TBCK: variants seen among roughly 807,000 people sequenced by gnomAD.
The protein encoded by TBCK is TBC1 domain containing kinase, also known as TBC domain-containing protein kinase-like protein.
Under a neutral mutation model 113.4 loss-of-function variants are expected in TBCK, and 99 were observed. The ratio of observed to expected loss-of-function variants is 0.87; its 90% CI spans 0.74 to 1.03. The LOEUF (loss-of-function observed/expected upper bound fraction) is 1.03, where lower values mean the gene tolerates loss of function less well. Among genes scored for constraint, TBCK ranks in the 50% least tolerant of loss-of-function variants. The probability of loss-of-function intolerance (pLI) is 0.00; values close to 1 mark genes in which losing one functional copy is unlikely to be tolerated. For synonymous variants in TBCK, 369 were observed against 370.8 expected, an observed-to-expected ratio of 1.00 and a Z score of 0.05; for missense variants, 1,045 against 1,061.3, an observed-to-expected ratio of 0.98 and a Z score of 0.21.
At position 106,246,484 on chromosome 4, in the gene TBCK, CAAT is replaced by C. The variant is rs543049284; in HGVS notation, c.931+652_931+654del. On this transcript the variant is annotated intron_variant, in intron 10 of 25. Transcript: ENST00000394708. ...GAATATAATGATATATAATTCTTAT[CAAT>C]AATATTATTTTTAGAGATCATTTAT... 2.6e-3 allele frequency among the ~76,000 whole-genome samples: 389 copies of C among 152,024 alleles called. 2 individuals are homozygous for C. The highest frequency in any genetic ancestry group is 8.1e-3 in the South Asian group (39 of 4,816).
At chr4:106,152,547 T>G (rs146513079) in intron 23 of TBCK, among the ~76,000 whole-genome samples, 8 of 152,186 alleles carry the variant, frequency 5.3e-5, no homozygotes, top group Non-Finnish European at 8.8e-5. Context: ...ACAGTTTTCT[T>G]TTTTTGATTT....
At chr4:106,111,661 T>C (rs1209194450) in intron 24 of TBCK, among the ~76,000 whole-genome samples, 1 of 152,170 alleles carries the variant, frequency 6.6e-6, no homozygotes, top group Non-Finnish European at 1.5e-5. Context: ...CTAGTACTTT[T>C]CAAGTCACAT....
intron 2 of TBCK, among the ~76,000 whole-genome samples, chr4:106,295,495 A>T (rs904873286): frequency 2.6e-5 from 4 of 152,230 alleles, no homozygotes; most frequent in African/African-American, 9.6e-5. Context: ...AAAAGATTAG[A>T]TGAATATATA....
At chr4:106,073,293 C>T (rs376329434) in intron 25 of TBCK, among the ~76,000 whole-genome samples, 2 of 152,180 alleles carry the variant, frequency 1.3e-5, no homozygotes, top group Admixed American at 1.3e-4. Flanking sequence ...GGTGTGGATG[C>T]CCTTTTTGTT....
chr4:106,280,570 A>G (rs1182075400), intron 3 of TBCK, among the ~76,000 whole-genome samples: 1 of 152,048 alleles, frequency 6.6e-6, no homozygotes, highest in Non-Finnish European at 1.5e-5. Context: ...TTGAGGTCAG[A>G]TTTAAGTCTT....
At chr4:106,219,785 T>C (rs1560848171) in intron 19 of TBCK, among the ~76,000 whole-genome samples, 1 of 152,160 alleles carries the variant, frequency 6.6e-6, no homozygotes, top group Non-Finnish European at 1.5e-5. Flanking sequence ...GCAATCCTCC[T>C]GTATTGGCCA....
intron 19 of TBCK, among the ~76,000 whole-genome samples, chr4:106,217,293 T>A (rs1340642374): frequency 6.6e-6 from 1 of 152,110 alleles, no homozygotes; most frequent in Non-Finnish European, 1.5e-5. Context: ...AAGCATTCCC[T>A]TTGAAAACTG....
At chr4:106,170,834 T>C (rs1054355671) in intron 23 of TBCK, among the ~76,000 whole-genome samples, 1 of 152,076 alleles carries the variant, frequency 6.6e-6, no homozygotes, top group Non-Finnish European at 1.5e-5. Context: ...CCAATTGATA[T>C]ATAAACAGAT....
chr4:106,076,866 G>C (rs1008298561), intron 25 of TBCK, among the ~76,000 whole-genome samples: 1 of 152,146 alleles, frequency 6.6e-6, no homozygotes, highest in Non-Finnish European at 1.5e-5. Context: ...ATTTTGGGAG[G>C]CTGAGGTGGG....
chr4:106,066,305 C>T (rs1053028613), intron 25 of TBCK, among the ~76,000 whole-genome samples: 7 of 151,870 alleles, frequency 4.6e-5, no homozygotes, highest in African/African-American at 1.5e-4. Context: ...CTGCAGCACA[C>T]TGATTTTCAC....
At chr4:106,059,263 A>G (rs1326011498) in intron 25 of TBCK, among the ~76,000 whole-genome samples, 2 of 151,658 alleles carry the variant, frequency 1.3e-5, no homozygotes, top group Admixed American at 1.3e-4. Context: ...TATATACAGG[A>G]ACACCTCATT....
rs770794972 is a variant in TBCK at position 106,260,464 on chromosome 4, T to C, written c.428A>G (p.His143Arg). ...TATTGGGAAATCAACATCATCACCA[T>C]GAGCTGTCATGTGATAAAGTCCAAA... ...AKFGLYHMTA[H>R]GDDVDFPIGY... The change falls in exon 5 of 26, where the codon CAT becomes CGT. Residue 143 changes from histidine to arginine, a missense_variant. His to Arg is a conservative substitution (Grantham distance 29, BLOSUM62 0). Transcript: ENST00000394708. 35 of 1,400,656 alleles carry C rather than the reference T, an allele frequency of 2.5e-5. No homozygotes were observed. The highest frequency in any genetic ancestry group is 4.9e-5 in the Admixed American group (2 of 40,982). 86.8% of individuals were successfully genotyped at this position (1,400,656 alleles called of 1,614,324 possible).
intron 24 of TBCK, among the ~76,000 whole-genome samples, chr4:106,098,400 G>A (rs1741175587): frequency 6.6e-6 from 1 of 151,934 alleles, no homozygotes; most frequent in East Asian, 1.9e-4. Context: ...AAGTACTTAT[G>A]GGGTGATTAG....
At chr4:106,217,738 A>T (rs1191887740) in intron 19 of TBCK, among the ~76,000 whole-genome samples, 1 of 150,972 alleles carries the variant, frequency 6.6e-6, no homozygotes, top group Non-Finnish European at 1.5e-5. Context: ...CAAATGGAAG[A>T]GCATTCCATG....
Position 106,260,498 on chromosome 4 carries a change from AT to A in TBCK, c.393del (p.Lys131AsnfsTer10). The A allele has an allele frequency of 7.6e-7, 1 of 1,312,788 alleles. No homozygotes were observed. The highest frequency in any genetic ancestry group is 1.0e-6 in the Non-Finnish European group (1 of 976,722). The allele number at this position is 1,312,788 out of a possible 1,614,324, so 81.3% of individuals were successfully genotyped here. A position where few individuals can be genotyped will look rare whatever the true frequency, so the allele number is the denominator to read the frequency against. ...NILLDRKGHI[K>X]LAKFGLYHMT... Reference sequence around the variant, plus strand: ...ATGTGATAAAGTCCAAATTTAGCCAATTTAATATGTCCCTATGATAATAAAG... The same window carrying A: ...ATGTGATAAAGTCCAAATTTAGCCAATTAATATGTCCCTATGATAATAAAG... On this transcript the variant is annotated frameshift_variant, in exon 5 of 26. Transcript: ENST00000394708. LOFTEE classifies it high-confidence loss of function.
chr4:106,056,080 C>G (rs1429378514), intron 25 of TBCK, among the ~76,000 whole-genome samples: 1 of 150,736 alleles, frequency 6.6e-6, no homozygotes, highest in African/African-American at 2.4e-5. Context: ...GAATTCTAGT[C>G]TGAATCTCCA....
intron 24 of TBCK, among the ~76,000 whole-genome samples, chr4:106,111,190 C>T (rs779694681): frequency 6.6e-6 from 1 of 152,140 alleles, no homozygotes; most frequent in African/African-American, 2.4e-5. Context: ...CATGAATTAG[C>T]CGAGGAGCAA....
At chr4:106,236,684 A>T (rs966312980) in intron 13 of TBCK, 75 bp downstream of exon 13, 26 of 1,040,670 alleles carry the variant, frequency 2.5e-5, no homozygotes, top group Non-Finnish European at 3.3e-5. Flanking sequence ...TTTTCAAAGA[A>T]AATGTATAAA....
intron 24 of TBCK, among the ~76,000 whole-genome samples, chr4:106,097,397 C>CTT (rs1027235418): frequency 5.3e-5 from 8 of 152,122 alleles, no homozygotes; most frequent in African/African-American, 1.9e-4. Flanking sequence ...TGTCATGAAA[C>CTT]TTATAGCACA....
Sources: allele counts gnomAD v4.1 joint callset (sites outside exome capture counted in the v4.1 genomes callset), GRCh38; gene constraint gnomAD v4.1.1; transcripts MANE v1.5; gene names NCBI Gene and HGNC (gene_info 2026-07-23, HGNC 2026-07-21).